The following FNIP1 variants were observed in gnomAD, a reference collection of about 807,000 sequenced individuals.
FNIP1 encodes the protein folliculin-interacting protein 1.
A neutral mutation model predicts 124.5 loss-of-function variants in FNIP1; 40 were observed. That is an observed-to-expected ratio of 0.32 (90% confidence interval 0.25 to 0.42). The LOEUF (loss-of-function observed/expected upper bound fraction) is 0.42, where lower values mean the gene tolerates loss of function less well. Among genes scored for constraint, FNIP1 ranks in the 10% least tolerant of loss-of-function variants. The pLI, the probability that FNIP1 is intolerant of heterozygous loss-of-function variation, is 1.00. For synonymous variants in FNIP1, 472 were observed against 470.6 expected (o/e 1.00, Z -0.04); for missense variants, 1,176 against 1,403.7 (o/e 0.84, Z 2.59).
At chr5:131,776,741 A>G (rs1771819816) in intron 1 of FNIP1, among the ~76,000 whole-genome samples, 2 of 152,308 alleles carry the variant, frequency 1.3e-5, no homozygotes, top group South Asian at 4.1e-4. Flanking sequence ...AGAAGTGAGG[A>G]TAGTGGTTAC....
At chr5:131,738,258 T>C (rs566008734) in intron 2 of FNIP1, among the ~76,000 whole-genome samples, 2 of 152,210 alleles carry the variant, frequency 1.3e-5, no homozygotes, top group African/African-American at 4.8e-5. Flanking sequence ...TCAATTTGTA[T>C]ATCAACGCTC....
chr5:131,708,975 T>C (rs1040115638), intron 8 of FNIP1, among the ~76,000 whole-genome samples: 2 of 152,136 alleles, frequency 1.3e-5, no homozygotes, highest in African/African-American at 4.8e-5. Flanking sequence ...CTTCAACCAG[T>C]GTACTTTACT....
chr5:131,729,679 G>A (rs1188861321), intron 3 of FNIP1, among the ~76,000 whole-genome samples: 1 of 152,164 alleles, frequency 6.6e-6, no homozygotes, highest in Non-Finnish European at 1.5e-5. Flanking sequence ...CTGGGCTCAA[G>A]CAATCCTCCC....
At chr5:131,712,421 G>C (rs1167211082) in intron 6 of FNIP1, among the ~76,000 whole-genome samples, 1 of 151,906 alleles carries the variant, frequency 6.6e-6, no homozygotes. Flanking sequence ...GGGTCCCCGA[G>C]ACTTTCAGGG....
chr5:131,659,195 C>T (rs1416375878), intron 15 of FNIP1, among the ~76,000 whole-genome samples: 1 of 152,148 alleles, frequency 6.6e-6, no homozygotes, highest in African/African-American at 2.4e-5. Flanking sequence ...GTTCGCAATG[C>T]CAGGGTACAT....
chr5:131,664,690 G>A (rs1158766004), intron 15 of FNIP1, among the ~76,000 whole-genome samples: 1 of 145,558 alleles, frequency 6.9e-6, no homozygotes, highest in East Asian at 2.0e-4. Context: ...CATAAACTAT[G>A]ACAAAACCAT....
chr5:131,664,680 C>T (rs1416176509), intron 15 of FNIP1, among the ~76,000 whole-genome samples: 2 of 123,906 alleles, frequency 1.6e-5, no homozygotes, highest in African/African-American at 5.9e-5. Context: ...TGGTGAGAAA[C>T]ATAAACTATG....
chr5:131,681,449 A>G (rs946065877), intron 11 of FNIP1, among the ~76,000 whole-genome samples: 1 of 152,194 alleles, frequency 6.6e-6, no homozygotes, highest in Non-Finnish European at 1.5e-5. Flanking sequence ...ATTTAGAGAA[A>G]GCCTCCAAGC....
At chr5:131,699,916 CAAAAAAAAA>C (rs3033727) in intron 10 of FNIP1, among the ~76,000 whole-genome samples, 4 of 93,666 alleles carry the variant, frequency 4.3e-5, no homozygotes, top group African/African-American at 6.6e-5. Context: ...AAGACTGTTT[CAAAAAAAAA>C]AAAAAAAAAA....
chr5:131,732,612 T>C (rs548167705), intron 2 of FNIP1, among the ~76,000 whole-genome samples: 2 of 152,234 alleles, frequency 1.3e-5, no homozygotes, highest in Non-Finnish European at 2.9e-5. Context: ...CTTGTTTTTG[T>C]CAGGTTTGTC....
chr5:131,713,368 C>A (rs1240839653), intron 6 of FNIP1, among the ~76,000 whole-genome samples: 1 of 152,130 alleles, frequency 6.6e-6, no homozygotes, highest in East Asian at 1.9e-4. Flanking sequence ...TTAAAGCCAG[C>A]ATTCCCCAGG....
Position 131,673,059 on chromosome 5 carries a change from T to G in FNIP1, c.1520-135A>C, listed in dbSNP as rs1206601368. On this transcript the variant is annotated intron_variant, in intron 13 of 17. Coordinates refer to ENST00000510461, the MANE Select transcript of FNIP1 (RefSeq NM_133372.3). The stretch of plus-strand genomic sequence containing the variant: ...GTTTTACTCGTTTTTTTGTTTTTTT[T>G]TTTTTTGAGACAGGGTCTCACACTG... 3.8e-5 allele frequency: 24 copies of G among 639,568 alleles called. No homozygotes were observed. The Admixed American group carries it at 6.5e-4, about 17-fold the overall frequency. 39.6% of individuals were successfully genotyped at this position (639,568 alleles called of 1,614,324 possible).
intron 1 of FNIP1, among the ~76,000 whole-genome samples, chr5:131,786,833 C>T (rs1259634476): frequency 6.6e-6 from 1 of 152,198 alleles, no homozygotes; most frequent in Non-Finnish European, 1.5e-5. Context: ...ACTTTTTAGC[C>T]TCCAGAACTA....
At chr5:131,759,778 A>G (rs939076652) in intron 1 of FNIP1, among the ~76,000 whole-genome samples, 3 of 152,222 alleles carry the variant, frequency 2.0e-5, no homozygotes, top group African/African-American at 7.2e-5. Context: ...ACAAAAGGAT[A>G]CATGTATTCA....
chr5:131,693,335 T>TATATATATATAC (rs1768567039), intron 11 of FNIP1, among the ~76,000 whole-genome samples: 4 of 97,990 alleles, frequency 4.1e-5, no homozygotes, highest in East Asian at 2.5e-4. Context: ...TATATATACA[T>TATATATATATAC]ATATATATAT....
chr5:131,704,001 A>G (rs1768989338), intron 10 of FNIP1, 64 bp downstream of exon 10: 1 of 1,337,002 alleles, frequency 7.5e-7, no homozygotes, highest in South Asian at 1.4e-5. Context: ...ATTAATAAAT[A>G]TAATGCTTAA....
chr5:131,778,096 C>T (rs1181783520), intron 1 of FNIP1, among the ~76,000 whole-genome samples: 1 of 152,022 alleles, frequency 6.6e-6, no homozygotes, highest in Non-Finnish European at 1.5e-5. Flanking sequence ...TTTTGGCTCA[C>T]GCTTGTAATC....
intron 13 of FNIP1, among the ~76,000 whole-genome samples, chr5:131,677,170 C>T (rs189723487): frequency 6.6e-6 from 1 of 152,332 alleles, no homozygotes; most frequent in East Asian, 1.9e-4. Context: ...GACTCCACAG[C>T]CTGTGTCTTT....
At chr5:131,659,972 G>A (rs566058845) in intron 15 of FNIP1, among the ~76,000 whole-genome samples, 9 of 152,280 alleles carry the variant, frequency 5.9e-5, no homozygotes, top group African/African-American at 1.9e-4. Context: ...AAGTCCTTCC[G>A]ACCCATGCCC....
Sources: allele counts gnomAD v4.1 joint callset (sites outside exome capture counted in the v4.1 genomes callset), GRCh38; gene constraint gnomAD v4.1.1; transcripts MANE v1.5; gene names NCBI Gene and HGNC (gene_info 2026-07-23, HGNC 2026-07-21).